NIPBL: variants seen among roughly 807,000 people sequenced by gnomAD.
The protein encoded by NIPBL is nipped-B-like protein.
A neutral mutation model predicts 321.8 loss-of-function variants in NIPBL; 19 were observed. The observed-to-expected ratio is 0.06, with a 90% CI of 0.04 to 0.09. The LOEUF (loss-of-function observed/expected upper bound fraction) is 0.09. NIPBL is among the 10% of genes least tolerant of loss of function. The probability of loss-of-function intolerance (pLI) is 1.00; values close to 1 mark genes in which losing one functional copy is unlikely to be tolerated. For synonymous variants in NIPBL, 1,106 were observed against 1,114.1 expected (o/e 0.99, Z 0.14); for missense variants, 2,210 against 3,327.0 (o/e 0.66, Z 8.26).
intron 1 of NIPBL, among the ~76,000 whole-genome samples, chr5:36,887,706 T>C (rs1166979934): frequency 1.3e-5 from 2 of 152,180 alleles, no homozygotes; most frequent in Non-Finnish European, 2.9e-5. Flanking sequence ...TTTATTCACA[T>C]GACTTGTTAC....
intron 12 of NIPBL, 98 bp downstream of exon 12, chr5:37,000,668 T>A: frequency 7.4e-7 from 1 of 1,359,596 alleles, no homozygotes; most frequent in Non-Finnish European, 1.0e-6. Flanking sequence ...AGTTAATAAC[T>A]AATTTTCAAT....
intron 6 of NIPBL, among the ~76,000 whole-genome samples, chr5:36,968,107 A>AC (rs1394173537): frequency 5.4e-5 from 8 of 149,424 alleles, no homozygotes; most frequent in African/African-American, 1.5e-4. Flanking sequence ...AAAAAAAAAA[A>AC]AAAACAAAAA....
At chr5:37,006,225 C>G (rs1242597030) in intron 16 of NIPBL, 132 bp from the exon 17 acceptor site, 2 of 665,752 alleles carry the variant, frequency 3.0e-6, no homozygotes, top group Non-Finnish European at 5.4e-6. Context: ...GTACCTCATT[C>G]TGGATATTCT....
chr5:37,044,775 AG>A lies in NIPBL; in HGVS notation c.6343+51del, dbSNP rs1186693936. ...TTAAAATTATTCTGCTAGGTCCTGCAGGGGGTCAGCTCATTTTAAACACATT... is the reference window on the plus strand; with the variant it reads ...TTAAAATTATTCTGCTAGGTCCTGCAGGGGTCAGCTCATTTTAAACACATT... On this transcript the variant is annotated intron_variant, in intron 36 of 46. Coordinates refer to ENST00000282516, the MANE Select transcript of NIPBL (RefSeq NM_133433.4). 8 of 1,331,686 alleles carry A rather than the reference AG, an allele frequency of 6.0e-6. No homozygotes were observed. The Admixed American group carries it at 1.0e-4, about 17-fold the overall frequency. 82.5% of individuals were successfully genotyped at this position (1,331,686 alleles called of 1,614,324 possible). A position where few individuals can be genotyped will look rare whatever the true frequency, so the allele number is the denominator to read the frequency against.
In NIPBL at chr5:37,064,763, G is replaced by C; in HGVS notation, c.8286G>C (p.Trp2762Cys). 6.2e-7 allele frequency: 1 copy of C among 1,614,116 alleles called. No individual in the cohort carries two copies. The highest frequency in any genetic ancestry group is 8.5e-7 in the Non-Finnish European group (1 of 1,180,032). Residue 2762 changes from tryptophan (W) to cysteine (C), a missense_variant, in exon 47 of 47, where the codon TGG becomes TGC. Trp to Cys is a radical substitution (Grantham distance 215). Transcript: ENST00000282516. ...GTGATGGCCGCAAACTGGTGCCTTG[G>C]GTAGACACTATTAAAGAGTCAGACA... is the stretch of plus-strand genomic sequence containing the variant. ...KRRDGRKLVP[W>C]VDTIKESDII...
Position 37,059,034 on chromosome 5 carries a change from T to C in NIPBL, c.7554T>C (p.Asp2518=). ...ATTCAGATTCAGATTCAGAAGACGA[T>C]ATAAATTCAGTGATGAAATGTTTGC... is the stretch of plus-strand genomic sequence containing the variant. ...DSDSDSDSED[D]INSVMKCLPE... Residue 2518 remains aspartate (D), a synonymous_variant, in exon 44 of 47, where the codon GAT becomes GAC. Coordinates refer to ENST00000282516, the MANE Select transcript of NIPBL (RefSeq NM_133433.4). The C allele has an allele frequency of 1.9e-6, 3 of 1,614,202 alleles. No homozygotes were observed. The highest frequency in any genetic ancestry group is 2.2e-5 in the East Asian group (1 of 44,876).
chr5:37,016,939 A>G lies in NIPBL; in HGVS notation c.4777-80A>G, dbSNP rs146765231. On this transcript the variant is annotated intron_variant, in intron 23 of 46. Transcript: ENST00000282516. ...TTAAATTTTAAATTATACAATTTAGATTGGGAATTTATATGATAAATTGCT... is the reference window on the plus strand; with the variant it reads ...TTAAATTTTAAATTATACAATTTAGGTTGGGAATTTATATGATAAATTGCT... 206 of 1,004,400 alleles carry G rather than the reference A, an allele frequency of 2.1e-4. No homozygotes were observed. In the African/African-American group the frequency reaches 2.9e-3, roughly 14 times the overall value. The allele number at this position is 1,004,400 out of a possible 1,614,324, so 62.2% of individuals were successfully genotyped here.
At chr5:36,981,811 C>T in intron 9 of NIPBL, among the ~76,000 whole-genome samples, 1 of 151,718 alleles carries the variant, frequency 6.6e-6, no homozygotes, top group Admixed American at 6.6e-5. Flanking sequence ...TATTCTTGCA[C>T]TATAGCCCTT....
chr5:36,995,871 T>G, intron 11 of NIPBL, 67 bp downstream of exon 11: 1 of 1,440,524 alleles, frequency 6.9e-7, no homozygotes, highest in South Asian at 1.2e-5. Context: ...TTTTTCTCAT[T>G]TATAATTTGG....
intron 15 of NIPBL, among the ~76,000 whole-genome samples, chr5:37,003,006 C>T (rs1418343793): frequency 6.7e-6 from 1 of 149,790 alleles, no homozygotes; most frequent in Non-Finnish European, 1.5e-5. Flanking sequence ...TAATTTTTTC[C>T]AGAGTTTTTT....
chr5:37,037,403 A>G lies in NIPBL; in HGVS notation c.5971+916A>G, dbSNP rs536516877. Among the ~76,000 whole-genome samples the G allele has an allele frequency of 1.2e-4, 18 of 146,902 alleles. 1 individual carries two copies. In the South Asian group the frequency reaches 3.6e-3, roughly 29 times the overall value. On this transcript the variant is annotated intron_variant, in intron 33 of 46. Coordinates refer to ENST00000282516, the MANE Select transcript of NIPBL (RefSeq NM_133433.4). ...ACTCCGTCTCAAAAAATATATATAT[A>G]TATATGTATATATATATATATATGT...
At chr5:36,962,036 T>A in intron 5 of NIPBL, 87 bp from the exon 6 acceptor site, 1 of 1,431,606 alleles carries the variant, frequency 7.0e-7, no homozygotes, top group South Asian at 1.2e-5. Flanking sequence ...AACTAAGAGA[T>A]CAGAGGACTT....
At chr5:36,977,220 A>C (rs1390958256) in intron 9 of NIPBL, among the ~76,000 whole-genome samples, 1 of 152,116 alleles carries the variant, frequency 6.6e-6, no homozygotes, top group African/African-American at 2.4e-5. Flanking sequence ...ACATTTGATC[A>C]GACCAAAAGC....
In NIPBL at chr5:36,890,560, G is replaced by A. The variant is rs915722971; in HGVS notation, c.-80+13382G>A. ...ATTTTTAACCTCTTGATGATAAACA[G>A]TTGTGGCTTTTCAAACGGTGTATAT... On this transcript the variant is annotated intron_variant, in intron 1 of 46. Transcript: ENST00000282516. Among the ~76,000 whole-genome samples the A allele has an allele frequency of 2.6e-5, 4 of 152,152 alleles. 1 individual carries two copies. The East Asian group carries it at 7.7e-4, about 29-fold the overall frequency.
chr5:36,927,988 A>AT (rs750925338), intron 1 of NIPBL, among the ~76,000 whole-genome samples: 2,000 of 147,464 alleles, frequency 0.014, 39 homozygotes, highest in African/African-American at 0.046. Context: ...GGCTGCAGTG[A>AT]TTTTTTTTTT....
chr5:37,065,029 A>C lies in NIPBL; in HGVS notation c.*137A>C. 9.6e-7 allele frequency: 1 copy of C among 1,043,638 alleles called. No individual in the cohort carries two copies. The highest frequency in any genetic ancestry group is 1.4e-6 in the Non-Finnish European group (1 of 707,534). The allele number at this position is 1,043,638 out of a possible 1,614,324, so 64.6% of individuals were successfully genotyped here. On this transcript the variant is annotated 3_prime_UTR_variant, in exon 47 of 47. Transcript: ENST00000282516. ...TGGGATGCAGGAACAAAAGAAGGAA[A>C]TGTTGGGCAAACATTTTTGTGGGAG...
intron 21 of NIPBL, 135 bp from the exon 22 acceptor site, chr5:37,014,546 CTT>C (rs1264585892): frequency 7.0e-6 from 4 of 570,808 alleles, no homozygotes; most frequent in Non-Finnish European, 9.3e-6. Flanking sequence ...TTTGGCTTCT[CTT>C]ATTATATATA....
chr5:36,910,551 C>G (rs986092518), intron 1 of NIPBL, among the ~76,000 whole-genome samples: 3 of 152,134 alleles, frequency 2.0e-5, no homozygotes, highest in African/African-American at 7.2e-5. Context: ...CACTTCATAC[C>G]TAGATTATTA....
chr5:37,059,218 A>T, intron 44 of NIPBL, 53 bp downstream of exon 44: 1 of 1,583,808 alleles, frequency 6.3e-7, no homozygotes, highest in Non-Finnish European at 8.7e-7. Context: ...CAAATAATAA[A>T]TATTTGGGCT....
Sources: allele counts gnomAD v4.1 joint callset (sites outside exome capture counted in the v4.1 genomes callset), GRCh38; gene constraint gnomAD v4.1.1; transcripts MANE v1.5; gene names NCBI Gene and HGNC (gene_info 2026-07-23, HGNC 2026-07-21).